Variants in PBRM1 observed in about 807,000 individuals in gnomAD.
PBRM1 encodes the protein protein polybromo-1.
PBRM1 carries 27 observed loss-of-function variants against 194.5 expected under a neutral mutation model. The ratio of observed to expected loss-of-function variants is 0.14; its 90% CI spans 0.10 to 0.19. The LOEUF (loss-of-function observed/expected upper bound fraction) is 0.19. Among genes scored for constraint, PBRM1 ranks in the 10% least tolerant of loss-of-function variants. The pLI is 1.00. For synonymous variants in PBRM1, 655 were observed against 693.2 expected, an observed-to-expected ratio of 0.94 and a Z score of 0.87; for missense variants, 1,466 against 2,077.2, an observed-to-expected ratio of 0.71 and a Z score of 5.72.
chr3:52,652,684 C>T (rs556087593), intron 5 of PBRM1, among the ~76,000 whole-genome samples: 2 of 148,700 alleles, frequency 1.3e-5, no homozygotes, highest in African/African-American at 4.9e-5. Context: ...AGCAAGACTC[C>T]ATCTCAAAAA....
chr3:52,546,194 A>G (rs957152699), downstream of PBRM1: 2 of 232,414 alleles, frequency 8.6e-6, no homozygotes, highest in Admixed American at 5.6e-5. Flanking sequence ...AAATGAATGC[A>G]TGAAATAAAT....
At chr3:52,627,547 T>C (rs1475078274) in intron 12 of PBRM1, among the ~76,000 whole-genome samples, 177 bp from the exon 14 acceptor site, 1 of 152,206 alleles carries the variant, frequency 6.6e-6, no homozygotes, top group Non-Finnish European at 1.5e-5. Flanking sequence ...AAAGCCTGCA[T>C]GACAAAAAGA....
intron 17 of PBRM1, among the ~76,000 whole-genome samples, chr3:52,599,797 T>C (rs976604653): frequency 6.6e-6 from 1 of 151,246 alleles, no homozygotes; most frequent in South Asian, 2.1e-4. Flanking sequence ...GCCACTGCAC[T>C]CCAGCCTGGG....
chr3:52,676,282 T>C (rs146525007), intron 2 of PBRM1, among the ~76,000 whole-genome samples: 1 of 152,186 alleles, frequency 6.6e-6, no homozygotes, highest in Non-Finnish European at 1.5e-5. Context: ...TGTATCCCCA[T>C]TCAAATCTCA....
intron 17 of PBRM1, among the ~76,000 whole-genome samples, chr3:52,597,005 G>A (rs1249618556): frequency 6.6e-6 from 1 of 152,088 alleles, no homozygotes; most frequent in Non-Finnish European, 1.5e-5. Flanking sequence ...CCCAAGTTCT[G>A]ACAATTGTCC....
At chr3:52,610,642 T>C (rs146875533) in intron 15 of PBRM1, among the ~76,000 whole-genome samples, 12 of 152,258 alleles carry the variant, frequency 7.9e-5, no homozygotes, top group East Asian at 1.9e-4. Flanking sequence ...TTCATGTCAA[T>C]AGAATATAGG....
intron 17 of PBRM1, among the ~76,000 whole-genome samples, chr3:52,595,822 T>G (rs887357530): frequency 2.6e-5 from 4 of 152,216 alleles, no homozygotes; most frequent in African/African-American, 9.6e-5. Context: ...TTTTTGTACA[T>G]GGCAAGAGAC....
At chr3:52,629,181 A>G (rs1403633470) in intron 11 of PBRM1, 146 bp from the exon 13 acceptor site, 6 of 634,700 alleles carry the variant, frequency 9.5e-6, no homozygotes, top group African/African-American at 5.5e-5. Context: ...GACTTTTGAG[A>G]TACAAAGTAA....
chr3:52,603,777 T>C, intron 16 of PBRM1, 45 bp from the exon 19 acceptor site: 1 of 1,508,242 alleles, frequency 6.6e-7, no homozygotes, highest in Non-Finnish European at 9.1e-7. Context: ...AGCTGTTTCT[T>C]TTAAACACCT....
intron 5 of PBRM1, among the ~76,000 whole-genome samples, 199 bp from the exon 7 acceptor site, chr3:52,652,009 T>C (rs568893499): frequency 6.6e-6 from 1 of 152,240 alleles, no homozygotes; most frequent in Non-Finnish European, 1.5e-5. Flanking sequence ...TCATGATCTA[T>C]CCAACAGCAT....
chr3:52,658,505 C>T (rs879847399), intron 4 of PBRM1, among the ~76,000 whole-genome samples, 190 bp from the exon 6 acceptor site: 4 of 151,904 alleles, frequency 2.6e-5, no homozygotes, highest in Admixed American at 1.3e-4. Flanking sequence ...AGTAATTCTC[C>T]TGCCTCAGCC....
At chr3:52,667,746 C>CA (rs34993730) in intron 3 of PBRM1, among the ~76,000 whole-genome samples, 6,687 of 85,404 alleles carry the variant, frequency 0.078, 471 homozygotes, top group African/African-American at 0.21. Context: ...GACTTTGCCT[C>CA]AAAAAAAAAA....
In PBRM1 at chr3:52,658,363, C is replaced by G. The variant is rs202086703; in HGVS notation, c.529-48G>C. ...ACTTTCTAAGAGAAATAATAAAATGCTGAATATTACATAGCTTCTAAAATT... is the reference window on the plus strand; with the variant it reads ...ACTTTCTAAGAGAAATAATAAAATGGTGAATATTACATAGCTTCTAAAATT... On this transcript the variant is annotated intron_variant, in intron 4 of 29. Coordinates refer to ENST00000296302, the Ensembl canonical transcript of PBRM1. 1.5e-4 allele frequency: 146 copies of G among 976,524 alleles called. 1 individual carries two copies. The East Asian group carries it at 3.6e-3, about 24-fold the overall frequency. 60.5% of individuals were successfully genotyped at this position (976,524 alleles called of 1,614,324 possible).
At chr3:52,622,076 A>T (rs11717043) in intron 13 of PBRM1, among the ~76,000 whole-genome samples, 51,993 of 151,804 alleles carry the variant, frequency 0.34, 9,912 homozygotes, top group Admixed American at 0.46. Context: ...ATGGTGGCTC[A>T]CACATGTAAT....
At chr3:52,617,155 G>T (rs186993967) in intron 14 of PBRM1, 107 bp downstream of exon 16, 303 of 824,350 alleles carry the variant, frequency 3.7e-4, no homozygotes, top group Non-Finnish European at 4.9e-4. Context: ...TCACCAAAAA[G>T]AATAATCTAA....
chr3:52,556,308 A>T (rs539907218), intron 26 of PBRM1, among the ~76,000 whole-genome samples: 2 of 151,904 alleles, frequency 1.3e-5, no homozygotes, highest in African/African-American at 4.9e-5. Context: ...CTCTCTATAC[A>T]TAAGATTATG....
chr3:52,662,289 A>G lies in PBRM1; in HGVS notation c.385-13T>C. On this transcript the variant is annotated splice_polypyrimidine_tract_variant and intron_variant, in intron 3 of 29. Coordinates refer to ENST00000296302, the Ensembl canonical transcript of PBRM1. ...CAGGAGAATCTGGCTGTATGTTAGC[A>G]AAGAGAAAAAAAAAAACACTTTAGT... The G allele has an allele frequency of 6.3e-7, 1 of 1,583,726 alleles. No individual in the cohort carries two copies. The highest frequency in any genetic ancestry group is 8.5e-7 in the Non-Finnish European group (1 of 1,171,280).
upstream of PBRM1, among the ~76,000 whole-genome samples, chr3:52,683,918 C>T (rs1444080370): frequency 9.2e-6 from 1 of 108,574 alleles, no homozygotes; most frequent in Non-Finnish European, 2.0e-5. Flanking sequence ...TATCTGTAGT[C>T]CCAGCACTTG....
intron 1 of PBRM1, among the ~76,000 whole-genome samples, chr3:52,685,138 T>C (rs1381446047): frequency 1.3e-5 from 2 of 152,220 alleles, no homozygotes; most frequent in Non-Finnish European, 2.9e-5. Flanking sequence ...GTACTTATTT[T>C]TCAGGGCTTT....
Sources: gnomAD v4.1 joint callset for allele counts (sites outside exome capture counted in the v4.1 genomes callset) on GRCh38, gnomAD v4.1.1 for gene constraint, MANE v1.5 for transcripts, NCBI Gene and HGNC (gene_info 2026-07-23, HGNC 2026-07-21) for gene names.